The following NPAS3 variants were observed in gnomAD, a reference collection of about 807,000 sequenced individuals.
NPAS3 encodes the protein neuronal PAS domain protein 3.
A neutral mutation model predicts 73.1 loss-of-function variants in NPAS3; 14 were observed. The observed-to-expected ratio is 0.19, with a 90% CI of 0.13 to 0.30. NPAS3 has a LOEUF of 0.30. Among genes scored for constraint, NPAS3 ranks in the 10% least tolerant of loss-of-function variants. NPAS3 has a pLI of 1.00. For missense variants in NPAS3, 1,096 were observed against 1,250.0 expected (o/e 0.88, Z 1.86); for synonymous variants, 620 against 541.5 (o/e 1.14, Z -2.01).
Position 33,271,175 on chromosome 14 carries a change from C to T in NPAS3, c.385+55749C>T, listed in dbSNP as rs530779455. Reference sequence around the variant, plus strand: ...AAGGCTCATAGATTGAATGGGGAAACCCAGCAAGGCCTCTCTGTTCCGATT... The same window carrying T: ...AAGGCTCATAGATTGAATGGGGAAATCCAGCAAGGCCTCTCTGTTCCGATT... On this transcript the variant is annotated intron_variant, in intron 3 of 11. Coordinates refer to ENST00000356141, the Ensembl canonical transcript of NPAS3. Among the ~76,000 whole-genome samples the T allele has an allele frequency of 7.2e-5, 11 of 152,238 alleles. No individual in the cohort carries two copies. In the South Asian group the frequency reaches 1.0e-3, roughly 14 times the overall value.
chr14:33,476,458 G>A (rs551987289), intron 4 of NPAS3, among the ~76,000 whole-genome samples: 1 of 152,084 alleles, frequency 6.6e-6, no homozygotes, highest in East Asian at 1.9e-4. Flanking sequence ...AATAAGAAGT[G>A]GAAGCAAATA....
At chr14:32,957,701 A>G (rs1189214713) in intron 1 of NPAS3, among the ~76,000 whole-genome samples, 2 of 152,066 alleles carry the variant, frequency 1.3e-5, no homozygotes, top group Non-Finnish European at 1.5e-5. Context: ...CCAGCATTCT[A>G]TTTTGCATTT....
intron 1 of NPAS3, among the ~76,000 whole-genome samples, chr14:32,946,664 C>A (rs1327528641): frequency 1.3e-5 from 2 of 152,040 alleles, no homozygotes; most frequent in African/African-American, 4.8e-5. Context: ...CTTAAAAGGA[C>A]TAGATAAGAA....
chr14:33,281,429 G>A (rs773525778), intron 3 of NPAS3, among the ~76,000 whole-genome samples: 4 of 152,094 alleles, frequency 2.6e-5, no homozygotes, highest in Non-Finnish European at 4.4e-5. Context: ...TCAGGAGTTC[G>A]AGACCAGCCT....
chr14:33,498,935 A>AGTGTGT (rs3058422), intron 4 of NPAS3, among the ~76,000 whole-genome samples: 3,042 of 94,832 alleles, frequency 0.032, 54 homozygotes, highest in Middle Eastern at 0.058. Context: ...ACAGAGAGAG[A>AGTGTGT]GTGTGTGTGT....
At chr14:33,799,822 C>T (rs371839552) in exon 12 of NPAS3, 7 of 1,613,956 alleles carry the variant, frequency 4.3e-6, no homozygotes, top group African/African-American at 1.3e-5. Context: ...AGTCGGGCAA[C>T]GCGTGTGACA....
chr14:33,434,655 T>C (rs927286434), intron 4 of NPAS3, among the ~76,000 whole-genome samples: 3 of 152,224 alleles, frequency 2.0e-5, no homozygotes, highest in African/African-American at 7.2e-5. Context: ...CTGCAGGAAG[T>C]TGATTCTTTC....
chr14:33,192,893 G>A (rs1452340020), intron 2 of NPAS3, among the ~76,000 whole-genome samples: 4 of 152,152 alleles, frequency 2.6e-5, no homozygotes, highest in Admixed American at 2.6e-4. Context: ...CCTTTTAAGT[G>A]GCACCTTCTG....
At chr14:33,231,802 TTAAGTA>T (rs1330539943) in intron 3 of NPAS3, among the ~76,000 whole-genome samples, 1 of 152,190 alleles carries the variant, frequency 6.6e-6, no homozygotes, top group Non-Finnish European at 1.5e-5. Flanking sequence ...CAAAGACTCT[TTAAGTA>T]AACTTAGATG....
intron 3 of NPAS3, among the ~76,000 whole-genome samples, chr14:33,365,650 G>GA (rs1195661593): frequency 2.0e-5 from 3 of 151,912 alleles, no homozygotes; most frequent in Non-Finnish European, 4.4e-5. Flanking sequence ...TTTTCCCATT[G>GA]AAAAAAATGC....
At chr14:33,441,965 T>A (rs2049270812) in intron 4 of NPAS3, among the ~76,000 whole-genome samples, 1 of 152,160 alleles carries the variant, frequency 6.6e-6, no homozygotes, top group South Asian at 2.1e-4. Context: ...TCACGAAAGC[T>A]ACAATTTAAG....
At chr14:32,977,615 C>G (rs2037742067) in intron 1 of NPAS3, among the ~76,000 whole-genome samples, 1 of 152,048 alleles carries the variant, frequency 6.6e-6, no homozygotes, top group Non-Finnish European at 1.5e-5. Context: ...ATCTATAGTC[C>G]CAGCTGTTCA....
chr14:33,433,315 C>G (rs1401008170), intron 4 of NPAS3, among the ~76,000 whole-genome samples: 1 of 152,128 alleles, frequency 6.6e-6, no homozygotes, highest in Non-Finnish European at 1.5e-5. Context: ...ATTATAGTCC[C>G]ATGTACATTT....
intron 4 of NPAS3, among the ~76,000 whole-genome samples, chr14:33,496,520 T>C (rs942172430): frequency 3.3e-5 from 5 of 152,158 alleles, no homozygotes; most frequent in African/African-American, 1.2e-4. Flanking sequence ...GTCGGCTTCA[T>C]CCCTGGGATG....
chr14:33,321,037 G>C (rs1000820608), intron 3 of NPAS3, among the ~76,000 whole-genome samples: 1 of 152,212 alleles, frequency 6.6e-6, no homozygotes, highest in South Asian at 2.1e-4. Flanking sequence ...ACCACACTAA[G>C]ATGAGTTTCT....
intron 5 of NPAS3, among the ~76,000 whole-genome samples, chr14:33,638,205 T>G (rs2058579146): frequency 6.6e-6 from 1 of 152,218 alleles, no homozygotes. Flanking sequence ...TTTATATTAC[T>G]TATTTTAGGT....
intron 2 of NPAS3, among the ~76,000 whole-genome samples, chr14:33,170,892 A>G (rs1285256494): frequency 6.6e-6 from 1 of 152,212 alleles, no homozygotes; most frequent in Non-Finnish European, 1.5e-5. Flanking sequence ...TCTTCTGTTA[A>G]TGTTGATATT....
chr14:33,700,053 A>G (rs2140446004), intron 6 of NPAS3, among the ~76,000 whole-genome samples: 1 of 152,172 alleles, frequency 6.6e-6, no homozygotes, highest in Non-Finnish European at 1.5e-5. Flanking sequence ...CCCTCTGGGG[A>G]AGGTTCATGG....
chr14:33,360,054 T>G (rs945727843), intron 3 of NPAS3, among the ~76,000 whole-genome samples: 17 of 152,228 alleles, frequency 1.1e-4, no homozygotes, highest in Admixed American at 9.8e-4. Context: ...CTACCCACTC[T>G]GAGTGGCCCA....
Sources: allele counts gnomAD v4.1 joint callset (sites outside exome capture counted in the v4.1 genomes callset), GRCh38; gene constraint gnomAD v4.1.1; transcripts MANE v1.5; gene names NCBI Gene and HGNC (gene_info 2026-07-23, HGNC 2026-07-21).